The following SPMIP4 variants were observed in gnomAD, a reference collection of about 807,000 sequenced individuals.
The protein encoded by SPMIP4 is sperm microtubule inner protein 4, also known as sperm-associated microtubule inner protein 4.
chr7:25,171,989 CT>C, the SPMIP4 span, among the ~76,000 whole-genome samples: 2 of 152,110 alleles, frequency 1.3e-5, no homozygotes, highest in South Asian at 4.1e-4. Flanking sequence ...AGGAAGGATT[CT>C]TGCGGGAAAT....
At chr7:25,148,494 T>G in the SPMIP4 span, among the ~76,000 whole-genome samples, 2 of 68,738 alleles carry the variant, frequency 2.9e-5, no homozygotes, top group East Asian at 6.1e-4. Context: ...TTTTTTTTTT[T>G]GAGACAGAGT....
the SPMIP4 span, among the ~76,000 whole-genome samples, chr7:25,145,122 C>A: frequency 2.6e-5 from 4 of 151,996 alleles, no homozygotes; most frequent in Non-Finnish European, 5.9e-5. Flanking sequence ...ACCACCACGC[C>A]CGGCTAATTT....
At chr7:25,167,093 G>A in the SPMIP4 span, among the ~76,000 whole-genome samples, 1 of 152,144 alleles carries the variant, frequency 6.6e-6, no homozygotes, top group East Asian at 1.9e-4. Context: ...ATAAAGTATT[G>A]TGCATTTTTT....
At chr7:25,160,360 G>A in the SPMIP4 span, among the ~76,000 whole-genome samples, 7 of 124,050 alleles carry the variant, frequency 5.6e-5, no homozygotes, top group Non-Finnish European at 1.4e-4. Flanking sequence ...GTGCAATGGC[G>A]TGATCTCGGC....
At chr7:25,143,467 C>T in the SPMIP4 span, among the ~76,000 whole-genome samples, 2 of 151,966 alleles carry the variant, frequency 1.3e-5, no homozygotes, top group African/African-American at 4.8e-5. Context: ...AAGCATGGAT[C>T]CAAAACAAAT....
chr7:25,146,148 G>C, the SPMIP4 span, among the ~76,000 whole-genome samples: 4 of 149,398 alleles, frequency 2.7e-5, no homozygotes, highest in African/African-American at 9.7e-5. Context: ...AATGAAGACA[G>C]AGAGAGAGAG....
chr7:25,141,082 C>A, the SPMIP4 span, among the ~76,000 whole-genome samples: 1 of 152,010 alleles, frequency 6.6e-6, no homozygotes, highest in South Asian at 2.1e-4. Flanking sequence ...ATAATTAAAC[C>A]AACAGATTAT....
the SPMIP4 span, chr7:25,136,508 A>G: frequency 2.1e-5 from 34 of 1,614,062 alleles, 1 homozygote; most frequent in Middle Eastern, 1.6e-3. This position sits in a 1 kb window ranked among gnomAD's most constrained non-coding sequence, Gnocchi z 5.7. Context: ...GGGTAACAAG[A>G]TGGGAGTTCA....
the SPMIP4 span, among the ~76,000 whole-genome samples, chr7:25,138,151 C>T: frequency 1.3e-5 from 2 of 151,994 alleles, no homozygotes; most frequent in African/African-American, 4.8e-5. This position sits in a 1 kb window ranked among gnomAD's most constrained non-coding sequence, Gnocchi z 6.2. Context: ...TAAAAAAATT[C>T]ATTATAACTG....
the SPMIP4 span, chr7:25,134,937 T>C: frequency 1.0e-6 from 1 of 985,416 alleles, no homozygotes; most frequent in African/African-American, 1.7e-5. Context: ...ACTAGTGCTG[T>C]ACAGAATGCA....
the SPMIP4 span, chr7:25,142,767 A>G: frequency 1.9e-6 from 3 of 1,590,256 alleles, no homozygotes; most frequent in Non-Finnish European, 2.6e-6. Flanking sequence ...AGGTTTTAGG[A>G]GGTTTTGGGT....
At chr7:25,131,384 AATC>A in the SPMIP4 span, among the ~76,000 whole-genome samples, 3 of 152,188 alleles carry the variant, frequency 2.0e-5, no homozygotes, top group Non-Finnish European at 4.4e-5. The surrounding 1 kb of genome is among the most constrained non-coding windows in gnomAD (Gnocchi z 4.2). Flanking sequence ...ATGATCCTAA[AATC>A]ATCCTCCCCC....
the SPMIP4 span, among the ~76,000 whole-genome samples, chr7:25,126,912 GTCTT>G: frequency 5.4e-3 from 819 of 152,250 alleles, 5 homozygotes; most frequent in African/African-American, 0.019. Flanking sequence ...GCCTGGGAAA[GTCTT>G]TATTTCTCCC....
chr7:25,166,238 T>TTTTTTTTTC, the SPMIP4 span, among the ~76,000 whole-genome samples: 1 of 148,108 alleles, frequency 6.8e-6, no homozygotes, highest in Non-Finnish European at 1.5e-5. Flanking sequence ...GTCTTCTTTT[T>TTTTTTTTTC]TTTTTTGAGA....
the SPMIP4 span, among the ~76,000 whole-genome samples, chr7:25,169,157 A>C: frequency 6.6e-6 from 1 of 152,148 alleles, no homozygotes; most frequent in South Asian, 2.1e-4. Context: ...TGGGAGGCCA[A>C]GGCAGGAGGA....
the SPMIP4 span, among the ~76,000 whole-genome samples, chr7:25,138,722 G>GA: frequency 1.3e-5 from 2 of 152,176 alleles, no homozygotes; most frequent in African/African-American, 2.4e-5. This position sits in a 1 kb window ranked among gnomAD's most constrained non-coding sequence, Gnocchi z 6.2. Context: ...AAATGGTTTT[G>GA]AAGTTTCCTA....
At chr7:25,140,803 T>G in the SPMIP4 span, among the ~76,000 whole-genome samples, 1 of 151,714 alleles carries the variant, frequency 6.6e-6, no homozygotes, top group Non-Finnish European at 1.5e-5. Flanking sequence ...GCCAGGCTGG[T>G]CTCGAACTCC....
chr7:25,135,237 G>T, the SPMIP4 span: 1 of 746,902 alleles, frequency 1.3e-6, no homozygotes, highest in Non-Finnish European at 1.6e-6. Flanking sequence ...GAACTCACCA[G>T]TTGCTAATTA....
chr7:25,162,303 AAAAT>A, the SPMIP4 span, among the ~76,000 whole-genome samples: 1 of 151,274 alleles, frequency 6.6e-6, no homozygotes, highest in Non-Finnish European at 1.5e-5. Context: ...AAAAAAATAA[AAAAT>A]AAAAAAACTA....
Sources: allele counts gnomAD v4.1 joint callset (sites outside exome capture counted in the v4.1 genomes callset), GRCh38; gene constraint gnomAD v4.1.1; non-coding constraint Gnocchi (gnomAD v3.1); transcripts MANE v1.5; gene names NCBI Gene and HGNC (gene_info 2026-07-23, HGNC 2026-07-21).